Variants in ATXN1 observed in about 807,000 individuals in gnomAD.
ATXN1 encodes the protein ataxin 1, also known as ataxin-1.
In ATXN1, 8 loss-of-function variants were observed where a neutral mutation model predicts 56.4. The ratio of observed to expected loss-of-function variants is 0.14; its 90% CI spans 0.08 to 0.26. The LOEUF (loss-of-function observed/expected upper bound fraction) is 0.26, where lower values mean the gene tolerates loss of function less well. ATXN1 is among the 10% of genes least tolerant of loss of function. The pLI is 1.00. For missense variants in ATXN1, 987 were observed against 1,106.5 expected (o/e 0.89, Z 1.53); for synonymous variants, 514 against 494.6 (o/e 1.04, Z -0.52).
chr6:16,319,779 G>T (rs1000407938), intron 7 of ATXN1, among the ~76,000 whole-genome samples: 1 of 151,728 alleles, frequency 6.6e-6, no homozygotes, highest in African/African-American at 2.4e-5. Flanking sequence ...ACAACAGTCT[G>T]AGAGAATCAA....
At chr6:16,360,635 G>T (rs1245004774) in intron 6 of ATXN1, among the ~76,000 whole-genome samples, 1 of 152,158 alleles carries the variant, frequency 6.6e-6, no homozygotes, top group Admixed American at 6.5e-5. Context: ...CCTCTTCAAC[G>T]GGTTTTTAAG....
intron 2 of ATXN1, among the ~76,000 whole-genome samples, chr6:16,700,601 C>T (rs961977381): frequency 1.3e-5 from 2 of 152,122 alleles, no homozygotes; most frequent in South Asian, 2.1e-4. Flanking sequence ...TTTCCTGCCG[C>T]GGTTGCCATG....
intron 6 of ATXN1, among the ~76,000 whole-genome samples, chr6:16,348,639 G>A (rs529568620): frequency 1.8e-4 from 28 of 151,828 alleles, no homozygotes; most frequent in Non-Finnish European, 2.6e-4. Flanking sequence ...AGGTTGCAGC[G>A]AACCAAGATT....
intron 6 of ATXN1, among the ~76,000 whole-genome samples, chr6:16,350,995 G>A (rs1761553831): frequency 8.5e-5 from 13 of 152,144 alleles, no homozygotes; most frequent in Admixed American, 7.9e-4. Flanking sequence ...GAGGTGGGAG[G>A]ATTGCTTGAG....
chr6:16,386,615 G>A lies in ATXN1; in HGVS notation c.-160-58145C>T, dbSNP rs114433458. Among the ~76,000 whole-genome samples, 739 of 152,240 alleles carry A rather than the reference G, an allele frequency of 4.9e-3. 6 individuals carry two copies. The highest frequency in any genetic ancestry group is 0.016 in the African/African-American group (674 of 41,566). Reference sequence around the variant, plus strand: ...GCTCCTTGAGTTATTCTGATCTGCTGCACAAGGCCACCAGGGCTGGGTCTC... The same window carrying A: ...GCTCCTTGAGTTATTCTGATCTGCTACACAAGGCCACCAGGGCTGGGTCTC... On this transcript the variant is annotated intron_variant, in intron 6 of 7. Transcript: ENST00000436367.
At chr6:16,574,469 A>C (rs7767755) in intron 4 of ATXN1, among the ~76,000 whole-genome samples, 2 of 151,924 alleles carry the variant, frequency 1.3e-5, no homozygotes, top group Non-Finnish European at 2.9e-5. Flanking sequence ...TCGGCCTCCC[A>C]AAGTGTTGGG....
chr6:16,449,515 T>C (rs1759709741), intron 6 of ATXN1, among the ~76,000 whole-genome samples: 1 of 152,084 alleles, frequency 6.6e-6, no homozygotes, highest in Non-Finnish European at 1.5e-5. Context: ...GTTTTTTAAG[T>C]ACATCAATGA....
chr6:16,611,804 A>C (rs1423039864), intron 3 of ATXN1, among the ~76,000 whole-genome samples: 1 of 151,388 alleles, frequency 6.6e-6, no homozygotes, highest in Admixed American at 6.6e-5. Flanking sequence ...ATAATGTTAA[A>C]GTCTACCCCA....
At chr6:16,473,742 G>A (rs967836967) in intron 6 of ATXN1, among the ~76,000 whole-genome samples, 2 of 152,146 alleles carry the variant, frequency 1.3e-5, no homozygotes, top group African/African-American at 2.4e-5. Context: ...TATTGCTGAT[G>A]ACCTGAGCCT....
intron 3 of ATXN1, among the ~76,000 whole-genome samples, chr6:16,587,489 T>C (rs1762645956): frequency 6.6e-6 from 1 of 152,204 alleles, no homozygotes; most frequent in Non-Finnish European, 1.5e-5. Flanking sequence ...TATCAAGAAA[T>C]CAACAAAATT....
intron 3 of ATXN1, among the ~76,000 whole-genome samples, chr6:16,637,821 T>C (rs949743160): frequency 2.0e-5 from 3 of 152,206 alleles, no homozygotes; most frequent in African/African-American, 4.8e-5. Context: ...GAATCACGAT[T>C]GTGACTCATC....
At chr6:16,581,195 C>CTGTGTGTGTGTG (rs60028007) in intron 4 of ATXN1, among the ~76,000 whole-genome samples, 16 of 140,260 alleles carry the variant, frequency 1.1e-4, no homozygotes, top group African/African-American at 3.7e-4. Context: ...CGAGAATGCA[C>CTGTGTGTGTGTG]TGTGTGTGTG....
intron 6 of ATXN1, among the ~76,000 whole-genome samples, chr6:16,374,138 CA>C (rs376857810): frequency 2.9e-3 from 244 of 85,406 alleles, no homozygotes; most frequent in Non-Finnish European, 3.6e-3. Flanking sequence ...AGGATATGAG[CA>C]AAAAAAAAAA....
At chr6:16,511,928 G>A (rs1485675554) in intron 5 of ATXN1, among the ~76,000 whole-genome samples, 3 of 152,144 alleles carry the variant, frequency 2.0e-5, no homozygotes, top group African/African-American at 7.2e-5. Context: ...GGCCTTCCAG[G>A]TAGCTTGGCT....
chr6:16,380,873 G>T (rs74734737), intron 6 of ATXN1, among the ~76,000 whole-genome samples: 14,771 of 152,194 alleles, frequency 0.097, 771 homozygotes, highest in Non-Finnish European at 0.12. Context: ...TTGACATCCT[G>T]ACCCCTAATA....
intron 6 of ATXN1, among the ~76,000 whole-genome samples, chr6:16,475,925 A>C (rs1288064124): frequency 1.3e-5 from 2 of 149,656 alleles, no homozygotes; most frequent in Non-Finnish European, 3.0e-5. Flanking sequence ...ACTGGAGTGC[A>C]GTGGCATGAT....
intron 7 of ATXN1, among the ~76,000 whole-genome samples, chr6:16,325,648 T>A (rs1313180278): frequency 1.3e-5 from 2 of 151,962 alleles, no homozygotes; most frequent in Non-Finnish European, 2.9e-5. Context: ...GTTCTACACC[T>A]CTTGGTGTAG....
chr6:16,437,720 G>C (rs1173714107), intron 6 of ATXN1, among the ~76,000 whole-genome samples: 1 of 152,138 alleles, frequency 6.6e-6, no homozygotes, highest in Non-Finnish European at 1.5e-5. Context: ...ATTCCCTTTT[G>C]TTCCAGCCCA....
intron 6 of ATXN1, among the ~76,000 whole-genome samples, chr6:16,335,213 G>C (rs141222116): frequency 2.5e-4 from 38 of 152,356 alleles, no homozygotes; most frequent in African/African-American, 9.1e-4. Flanking sequence ...ACTGACTATT[G>C]ACCTTCTCTT....
Sources: gnomAD v4.1 joint callset for allele counts (sites outside exome capture counted in the v4.1 genomes callset) on GRCh38, gnomAD v4.1.1 for gene constraint, MANE v1.5 for transcripts, NCBI Gene and HGNC (gene_info 2026-07-23, HGNC 2026-07-21) for gene names.